STX2: variants seen among roughly 807,000 people sequenced by gnomAD.
The protein encoded by STX2 is syntaxin-2.
STX2 carries 27 observed loss-of-function variants against 40.6 expected under a neutral mutation model. The observed-to-expected ratio is 0.66, with a 90% confidence interval of 0.49 to 0.92. STX2 has a LOEUF of 0.92. Ranked by LOEUF, STX2 falls within the 40% of genes least tolerant of loss-of-function variation. STX2 has a pLI of 0.00. For missense variants in STX2, 328 were observed against 366.1 expected, an observed-to-expected ratio of 0.90 and a Z score of 0.85; for synonymous variants, 123 against 119.1, an observed-to-expected ratio of 1.03 and a Z score of -0.22.
At chr12:130,806,295 G>A (rs1951431282) in intron 6 of STX2, among the ~76,000 whole-genome samples, 1 of 152,166 alleles carries the variant, frequency 6.6e-6, no homozygotes, top group South Asian at 2.1e-4. Context: ...GCCGGCAGAA[G>A]GTCCAAGGCC....
chr12:130,794,707 T>C (rs1950977551), intron 10 of STX2, among the ~76,000 whole-genome samples: 1 of 152,022 alleles, frequency 6.6e-6, no homozygotes, highest in Non-Finnish European at 1.5e-5. Flanking sequence ...GGTGTTGCCA[T>C]GTTGAAGGAA....
At chr12:130,798,042 G>A (rs1206534806) in intron 9 of STX2, among the ~76,000 whole-genome samples, 2 of 152,228 alleles carry the variant, frequency 1.3e-5, no homozygotes, top group African/African-American at 4.8e-5. Flanking sequence ...GAGGTCACGA[G>A]TTCAAGACCA....
At chr12:130,807,744 A>C (rs1035842181) in intron 5 of STX2, among the ~76,000 whole-genome samples, 1 of 152,226 alleles carries the variant, frequency 6.6e-6, no homozygotes, top group African/African-American at 2.4e-5. Context: ...GACCGAATAG[A>C]TTTTTCTTCA....
chr12:130,835,055 AAGG>A (rs571541833), intron 1 of STX2, among the ~76,000 whole-genome samples: 134 of 152,312 alleles, frequency 8.8e-4, no homozygotes, highest in Non-Finnish European at 1.4e-3. Flanking sequence ...TTGGGAGCCT[AAGG>A]TGGGCAGATT....
At chr12:130,836,593 C>G (rs1422041992) in intron 1 of STX2, among the ~76,000 whole-genome samples, 1 of 152,144 alleles carries the variant, frequency 6.6e-6, no homozygotes. Context: ...CTTTTTATAA[C>G]TCCCTAAAAA....
Position 130,791,915 on chromosome 12 carries a change from T to C in STX2, c.*108A>G. Reference sequence around the variant, plus strand: ...GATATGGTTGCTAGGACAATGTTGTTGCTAGGATAATTCCAAGGATCACAA... The same window carrying C: ...GATATGGTTGCTAGGACAATGTTGTCGCTAGGATAATTCCAAGGATCACAA... On this transcript the variant is annotated 3_prime_UTR_variant, in exon 11 of 11. Transcript: ENST00000392373. 6.2e-7 allele frequency: 1 copy of C among 1,612,030 alleles called. No individual in the cohort carries two copies. Among genetic ancestry groups the C allele is most frequent in the Non-Finnish European group, 8.5e-7 (1 of 1,178,712 alleles).
chr12:130,812,700 CCTGGCAA>C, intron 4 of STX2: 2 of 369,432 alleles, frequency 5.4e-6, no homozygotes, highest in Non-Finnish European at 9.8e-6. Context: ...TCAAGAAGAG[CCTGGCAA>C]CTCACCTTCC....
chr12:130,804,309 G>A (rs1951342836), intron 6 of STX2, among the ~76,000 whole-genome samples: 1 of 152,228 alleles, frequency 6.6e-6, no homozygotes, highest in Admixed American at 6.5e-5. Context: ...GAAGACCACT[G>A]TATGAAGACA....
intron 2 of STX2, among the ~76,000 whole-genome samples, chr12:130,825,929 T>C (rs1476866680): frequency 2.0e-5 from 3 of 152,188 alleles, no homozygotes; most frequent in Admixed American, 1.3e-4. Flanking sequence ...TTTCAAAAAT[T>C]TGAAATTAAG....
chr12:130,838,499 C>G (rs1952814949), intron 1 of STX2, among the ~76,000 whole-genome samples: 1 of 151,476 alleles, frequency 6.6e-6, no homozygotes, highest in African/African-American at 2.4e-5. Flanking sequence ...GCTGTTCGCG[C>G]TCGCCCCACC....
At chr12:130,812,131 C>A in intron 4 of STX2, 3 of 229,466 alleles carry the variant, frequency 1.3e-5, no homozygotes, top group South Asian at 4.7e-5. Flanking sequence ...TTTTAAAAGC[C>A]AGGGTTTGGT....
intron 1 of STX2, among the ~76,000 whole-genome samples, chr12:130,829,366 G>T (rs1048467389): frequency 2.0e-5 from 3 of 152,222 alleles, no homozygotes; most frequent in African/African-American, 7.2e-5. Context: ...TGTTGCCAGT[G>T]AGGAGGCTGA....
intron 1 of STX2, among the ~76,000 whole-genome samples, chr12:130,833,261 GACAC>G (rs554334623): frequency 2.7e-5 from 4 of 150,596 alleles, no homozygotes; most frequent in African/African-American, 9.7e-5. Flanking sequence ...CGGAAACAGA[GACAC>G]ACACACAGAC....
At chr12:130,818,180 A>AT (rs1565924346) in intron 3 of STX2, among the ~76,000 whole-genome samples, 29 of 37,330 alleles carry the variant, frequency 7.8e-4, no homozygotes, top group African/African-American at 1.1e-3. Context: ...CAAAAAAAAA[A>AT]AAAAAATATA....
intron 3 of STX2, among the ~76,000 whole-genome samples, chr12:130,818,475 A>C (rs971959238): frequency 1.3e-5 from 2 of 151,960 alleles, no homozygotes; most frequent in African/African-American, 4.8e-5. Context: ...CTGCCCCGGG[A>C]GAGGTTAAGT....
intron 10 of STX2, among the ~76,000 whole-genome samples, chr12:130,793,770 G>C (rs1282862486): frequency 1.5e-4 from 23 of 152,208 alleles, no homozygotes; most frequent in Admixed American, 1.5e-3. Context: ...ACCCTGCAGG[G>C]AGGGGCAGCA....
At chr12:130,828,700 A>G (rs1199182119) in intron 1 of STX2, among the ~76,000 whole-genome samples, 1 of 151,346 alleles carries the variant, frequency 6.6e-6, no homozygotes, top group Non-Finnish European at 1.5e-5. Context: ...CCCTGTCTCT[A>G]CTAAAAATAC....
intron 1 of STX2, 118 bp from the exon 2 acceptor site, chr12:130,827,385 T>C: frequency 1.4e-6 from 1 of 707,148 alleles, no homozygotes; most frequent in Non-Finnish European, 2.4e-6. Flanking sequence ...AGCACCAAAT[T>C]GTAACAGACT....
intron 2 of STX2, among the ~76,000 whole-genome samples, chr12:130,826,288 G>A (rs1376992065): frequency 6.6e-6 from 1 of 152,174 alleles, no homozygotes; most frequent in South Asian, 2.1e-4. Context: ...CTCTGCTGCC[G>A]GAACCACCAC....
Sources: allele counts gnomAD v4.1 joint callset (sites outside exome capture counted in the v4.1 genomes callset), GRCh38; gene constraint gnomAD v4.1.1; transcripts MANE v1.5; gene names NCBI Gene and HGNC (gene_info 2026-07-23, HGNC 2026-07-21).